Variants in HPSE2 observed in about 807,000 individuals in gnomAD.
The protein encoded by HPSE2 is heparanase 2 (inactive).
Under a neutral mutation model 60.5 loss-of-function variants are expected in HPSE2, and 38 were observed. That is an observed-to-expected ratio of 0.63 (90% confidence interval 0.48 to 0.82). The LOEUF is 0.82. HPSE2 is among the 40% of genes least tolerant of loss of function. The pLI is 0.00. For missense variants in HPSE2, 713 were observed against 740.4 expected (o/e 0.96, Z 0.43); for synonymous variants, 295 against 293.2 (o/e 1.01, Z -0.06).
At chr10:98,557,603 G>GA (rs1206093033) in intron 9 of HPSE2, among the ~76,000 whole-genome samples, 4 of 152,054 alleles carry the variant, frequency 2.6e-5, no homozygotes, top group African/African-American at 7.2e-5. Context: ...TGATCATAAA[G>GA]AAAAAAATGG....
intron 2 of HPSE2, among the ~76,000 whole-genome samples, chr10:99,187,293 T>C (rs944038488): frequency 2.6e-5 from 4 of 152,204 alleles, no homozygotes; most frequent in Admixed American, 2.0e-4. Flanking sequence ...AGTGTACTTA[T>C]ACTTTGCATG....
chr10:98,596,461 T>G (rs1945240966), intron 9 of HPSE2, among the ~76,000 whole-genome samples: 1 of 108,998 alleles, frequency 9.2e-6, no homozygotes, highest in Non-Finnish European at 2.1e-5. Context: ...TTCACGTTAC[T>G]AATTAGCATC....
chr10:99,275,124 C>G, the HPSE2 span, among the ~76,000 whole-genome samples: 1 of 152,118 alleles, frequency 6.6e-6, no homozygotes. Flanking sequence ...GAAAACAGTT[C>G]CCCCCAAATC....
chr10:99,270,463 C>T, the HPSE2 span, among the ~76,000 whole-genome samples: 1 of 152,202 alleles, frequency 6.6e-6, no homozygotes, highest in Non-Finnish European at 1.5e-5. Context: ...TCTGAGCAGA[C>T]CAATAACAAG....
At chr10:98,803,416 T>C (rs1227049003) in intron 3 of HPSE2, among the ~76,000 whole-genome samples, 1 of 151,226 alleles carries the variant, frequency 6.6e-6, no homozygotes, top group Non-Finnish European at 1.5e-5. Context: ...TCCTGAATGG[T>C]AATGCCTAGG....
At chr10:98,984,866 C>T (rs575254589) in intron 3 of HPSE2, among the ~76,000 whole-genome samples, 75 of 152,122 alleles carry the variant, frequency 4.9e-4, no homozygotes, top group African/African-American at 7.5e-4. Flanking sequence ...GTAGCCAATT[C>T]GATCAACTGG....
rs972445588 is a variant in HPSE2, at chr10:98,806,909, C to T, written c.611-62853G>A. On this transcript the variant is annotated intron_variant, in intron 3 of 11. Transcript: ENST00000370552. Reference sequence around the variant, plus strand: ...CTGTAATCCCAGCACTTTGGGAGGCCGAGGCAGGCGAATCACGAGGTCAGG... The same window carrying T: ...CTGTAATCCCAGCACTTTGGGAGGCTGAGGCAGGCGAATCACGAGGTCAGG... Among the ~76,000 whole-genome samples, 38 of 152,078 alleles carry T rather than the reference C, an allele frequency of 2.5e-4. 2 individuals are homozygous for T. In the South Asian group the frequency reaches 7.1e-3, roughly 28 times the overall value.
At chr10:98,556,599 T>G (rs1944015334) in intron 9 of HPSE2, among the ~76,000 whole-genome samples, 1 of 151,926 alleles carries the variant, frequency 6.6e-6, no homozygotes, top group Non-Finnish European at 1.5e-5. Context: ...TAGAAATATA[T>G]CTAATGAAAG....
intron 3 of HPSE2, among the ~76,000 whole-genome samples, chr10:98,905,132 T>C (rs2134995526): frequency 6.6e-6 from 1 of 152,230 alleles, no homozygotes; most frequent in South Asian, 2.1e-4. Flanking sequence ...CCCTATATAC[T>C]TTTATACGAT....
At chr10:98,535,835 G>A (rs570456250) in intron 9 of HPSE2, among the ~76,000 whole-genome samples, 35 of 152,166 alleles carry the variant, frequency 2.3e-4, no homozygotes, top group South Asian at 8.3e-4. Flanking sequence ...ACTGGGCTCC[G>A]TGCCTGCCAA....
intron 3 of HPSE2, among the ~76,000 whole-genome samples, chr10:99,043,523 T>C (rs1957789744): frequency 6.6e-6 from 1 of 151,778 alleles, no homozygotes; most frequent in South Asian, 2.1e-4. Flanking sequence ...ACAAAAACAG[T>C]TGGATGTGAA....
intron 9 of HPSE2, among the ~76,000 whole-genome samples, chr10:98,572,908 G>T (rs912825419): frequency 6.6e-6 from 1 of 152,192 alleles, no homozygotes; most frequent in Admixed American, 6.5e-5. Context: ...AACTGACTGT[G>T]TGCCCAGCAC....
intron 9 of HPSE2, among the ~76,000 whole-genome samples, chr10:98,523,640 T>C (rs2133780434): frequency 6.6e-6 from 1 of 152,304 alleles, no homozygotes; most frequent in East Asian, 1.9e-4. Flanking sequence ...TCATACAAAA[T>C]AAGCTGGATG....
Position 98,563,679 on chromosome 10 carries a change from T to A in HPSE2, c.1320+51225A>T, listed in dbSNP as rs545751431. Among the ~76,000 whole-genome samples, 36 of 152,324 alleles carry A rather than the reference T, an allele frequency of 2.4e-4. No individual in the cohort carries two copies. In the East Asian group the frequency reaches 6.2e-3, roughly 26 times the overall value. On this transcript the variant is annotated intron_variant, in intron 9 of 11. Coordinates refer to ENST00000370552, the MANE Select transcript of HPSE2 (RefSeq NM_021828.5). Reference sequence around the variant, plus strand: ...TACCCATTATTTTACTACTCAGAGATAACCACACTTGACATTTTTGCTATA... The same window carrying A: ...TACCCATTATTTTACTACTCAGAGAAAACCACACTTGACATTTTTGCTATA...
At chr10:99,025,721 G>A (rs928233123) in intron 3 of HPSE2, among the ~76,000 whole-genome samples, 1 of 152,088 alleles carries the variant, frequency 6.6e-6, no homozygotes, top group Non-Finnish European at 1.5e-5. Context: ...TAGGAAGAGG[G>A]AGAGGAGAGA....
At chr10:98,517,353 C>G (rs1343129180) in intron 9 of HPSE2, among the ~76,000 whole-genome samples, 4 of 152,160 alleles carry the variant, frequency 2.6e-5, no homozygotes, top group Non-Finnish European at 5.9e-5. Context: ...CAAAATCACA[C>G]TTCCCACACT....
intron 3 of HPSE2, among the ~76,000 whole-genome samples, chr10:98,953,771 A>C (rs556670116): frequency 1.3e-5 from 2 of 152,078 alleles, no homozygotes; most frequent in Non-Finnish European, 2.9e-5. Context: ...GAGCTCAATA[A>C]ACCTAGGTCT....
intron 3 of HPSE2, among the ~76,000 whole-genome samples, chr10:99,042,284 C>T (rs1353139404): frequency 1.3e-5 from 2 of 152,108 alleles, no homozygotes; most frequent in Non-Finnish European, 2.9e-5. Flanking sequence ...CCCTGCCCCA[C>T]CCTTGGCCAG....
At chr10:99,039,219 C>T (rs550915553) in intron 3 of HPSE2, among the ~76,000 whole-genome samples, 2 of 152,136 alleles carry the variant, frequency 1.3e-5, no homozygotes, top group South Asian at 2.1e-4. Flanking sequence ...ATGTTCAAAG[C>T]CATAGGCTTC....
Sources: allele counts gnomAD v4.1 joint callset (sites outside exome capture counted in the v4.1 genomes callset), GRCh38; gene constraint gnomAD v4.1.1; transcripts MANE v1.5; gene names NCBI Gene and HGNC (gene_info 2026-07-23, HGNC 2026-07-21).